The following STIP1 variants were observed in gnomAD, a reference collection of about 807,000 sequenced individuals.
STIP1 encodes the protein stress induced phosphoprotein 1.
A neutral mutation model predicts 77.4 loss-of-function variants in STIP1; 16 were observed. The ratio of observed to expected loss-of-function variants is 0.21; its 90% CI spans 0.14 to 0.31. The LOEUF (loss-of-function observed/expected upper bound fraction) is 0.31, where lower values mean the gene tolerates loss of function less well. STIP1 is among the 10% of genes least tolerant of loss of function. The pLI, the probability that STIP1 is intolerant of heterozygous loss-of-function variation, is 1.00. For synonymous variants in STIP1, 258 were observed against 246.6 expected (o/e 1.05, Z -0.44); for missense variants, 524 against 684.8 (o/e 0.77, Z 2.62).
intron 11 of STIP1, 82 bp from the exon 12 acceptor site, chr11:64,203,043 A>G: frequency 5.7e-6 from 9 of 1,591,996 alleles, no homozygotes; most frequent in Non-Finnish European, 6.0e-6. Flanking sequence ...AGGTGTGAAC[A>G]GTGTTGGTGT....
rs536032683 is a variant in STIP1 at position 64,198,634 on chromosome 11, A to G, written c.1023+660A>G. 9.9e-5 allele frequency among the ~76,000 whole-genome samples: 15 copies of G among 152,212 alleles called. No homozygotes were observed. The South Asian group carries it at 2.7e-3, about 27-fold the overall frequency. Reference sequence around the variant, plus strand: ...AGTGCTGGAATTATAGGCGTAAGCCACTATGCCTGGCTGAACCTGATCTTT... The same window carrying G: ...AGTGCTGGAATTATAGGCGTAAGCCGCTATGCCTGGCTGAACCTGATCTTT... On this transcript the variant is annotated intron_variant, in intron 8 of 13. Coordinates refer to ENST00000305218, the MANE Select transcript of STIP1 (RefSeq NM_006819.3).
In STIP1 at chr11:64,199,960, G is replaced by A. The variant is rs760171200; in HGVS notation, c.1044G>A (p.Glu348=). The A allele has an allele frequency of 6.2e-7, 1 of 1,614,168 alleles. No homozygotes were observed. ...TGTAGGCAGAGAAAATCCTGAAGGA[G>A]CAAGAGCGGCTGGCCTACATAAACC... is the stretch of plus-strand genomic sequence containing the variant. ...KCQQAEKILK[E]QERLAYINPD... The change falls in exon 9 of 14, where the codon GAG becomes GAA. Residue 348 remains glutamate, a synonymous_variant. Transcript: ENST00000305218.
chr11:64,198,299 G>A (rs12802950), intron 8 of STIP1, among the ~76,000 whole-genome samples: 24,867 of 151,718 alleles, frequency 0.16, 2,290 homozygotes, highest in Admixed American at 0.28. Flanking sequence ...TGCAACCTCC[G>A]CCTCCCAGGT....
At chr11:64,193,769 C>T (rs1369144790) in intron 2 of STIP1, among the ~76,000 whole-genome samples, 1 of 151,818 alleles carries the variant, frequency 6.6e-6, no homozygotes, top group Non-Finnish European at 1.5e-5. Flanking sequence ...CCAGGTGACA[C>T]GGCAAGACCC....
chr11:64,188,622 T>TA (rs1381924856), intron 1 of STIP1, among the ~76,000 whole-genome samples: 3 of 152,316 alleles, frequency 2.0e-5, no homozygotes, highest in African/African-American at 7.2e-5. Flanking sequence ...AGCAATCCTC[T>TA]AGCCTTGGCC....
intron 1 of STIP1, among the ~76,000 whole-genome samples, chr11:64,189,579 G>C (rs1217243781): frequency 1.3e-5 from 2 of 151,008 alleles, no homozygotes; most frequent in Non-Finnish European, 2.9e-5. Flanking sequence ...TTTTCAATAG[G>C]GGCCTTTCAA....
At chr11:64,190,316 G>C (rs1946078339) in intron 1 of STIP1, among the ~76,000 whole-genome samples, 1 of 152,212 alleles carries the variant, frequency 6.6e-6, no homozygotes, top group South Asian at 2.1e-4. Flanking sequence ...TGGGATTACA[G>C]GCATGCACCA....
intron 1 of STIP1, among the ~76,000 whole-genome samples, chr11:64,189,212 T>A (rs1946063025): frequency 6.6e-6 from 1 of 152,070 alleles, no homozygotes. Flanking sequence ...AATACAAAAA[T>A]TAGCTGGATG....
chr11:64,197,403 G>T lies in STIP1; in HGVS notation c.799+6G>T. The T allele has an allele frequency of 6.2e-7, 1 of 1,614,060 alleles. No individual in the cohort carries two copies. The highest frequency in any genetic ancestry group is 8.5e-7 in the Non-Finnish European group (1 of 1,180,010). On this transcript the variant is annotated splice_donor_region_variant and intron_variant, in intron 6 of 13. Coordinates refer to ENST00000305218, the MANE Select transcript of STIP1 (RefSeq NM_006819.3). ...TTACATTACCAATCAAGCAGGTGAG[G>T]CCCAGAAACAAGGGGCAAGGGAATT...
At chr11:64,188,526 C>G (rs1946053926) in intron 1 of STIP1, among the ~76,000 whole-genome samples, 1 of 152,054 alleles carries the variant, frequency 6.6e-6, no homozygotes, top group Non-Finnish European at 1.5e-5. Context: ...TAGCTGGGCA[C>G]ACCACCACAA....
At position 64,197,214 on chromosome 11, in the gene STIP1, TCTTG is replaced by T. The variant is rs143600256; in HGVS notation, c.673-53_673-50del. On this transcript the variant is annotated intron_variant, in intron 5 of 13. Coordinates refer to ENST00000305218, the MANE Select transcript of STIP1 (RefSeq NM_006819.3). ...TCAGAACTTGTGACAGATCATAGAT[TCTTG>T]CTTTGTCACCTGAGTTAGATTTGCT... 2,110 of 1,604,750 alleles carry T rather than the reference TCTTG, an allele frequency of 1.3e-3. 11 individuals are homozygous for T. The African/African-American group carries it at 0.023, about 18-fold the overall frequency.
At position 64,186,313 on chromosome 11, in the gene STIP1, G is replaced by A. The variant is rs745617035; in HGVS notation, c.9+43G>A. The A allele has an allele frequency of 2.5e-5, 18 of 719,196 alleles. 1 individual carries two copies. The East Asian group carries it at 1.3e-3, about 50-fold the overall frequency. 44.6% of individuals were successfully genotyped at this position (719,196 alleles called of 1,614,324 possible). ...GGCTGAGGCCCCGAGCCTGCTCGGG[G>A]ACCGGCGGTGGCCAGGCCGCGGTAG... is the stretch of plus-strand genomic sequence containing the variant. On this transcript the variant is annotated intron_variant, in intron 1 of 13. Coordinates refer to ENST00000305218, the MANE Select transcript of STIP1 (RefSeq NM_006819.3).
intron 1 of STIP1, among the ~76,000 whole-genome samples, chr11:64,190,801 C>T (rs1416895492): frequency 2.6e-5 from 4 of 151,814 alleles, no homozygotes; most frequent in Non-Finnish European, 5.9e-5. Flanking sequence ...TTGAGACAAG[C>T]CTGGGCAATA....
intron 11 of STIP1, 61 bp downstream of exon 11, chr11:64,202,973 C>T (rs764097004): frequency 6.2e-7 from 1 of 1,611,934 alleles, no homozygotes; most frequent in Non-Finnish European, 8.5e-7. Flanking sequence ...AAGGAAAGGG[C>T]AAGCCCTTTG....
chr11:64,202,987 A>C (rs1555043597), intron 11 of STIP1, 75 bp downstream of exon 11: 1 of 1,605,654 alleles, frequency 6.2e-7, no homozygotes, highest in East Asian at 2.2e-5. Flanking sequence ...CCCTTTGTCT[A>C]CCTGTGTGTC....
chr11:64,185,714 G>A, upstream of STIP1: 3 of 1,429,384 alleles, frequency 2.1e-6, no homozygotes, highest in Non-Finnish European at 2.8e-6. Context: ...ATATATCAGG[G>A]GCGGGGCGAA....
At chr11:64,202,752 T>C (rs1946233225) in intron 10 of STIP1, 124 bp from the exon 11 acceptor site, 3 of 1,053,730 alleles carry the variant, frequency 2.8e-6, no homozygotes, top group Admixed American at 1.8e-5. Context: ...TTGTCTTTCC[T>C]GATGTTGTCC....
intron 13 of STIP1, 77 bp downstream of exon 13, chr11:64,203,699 T>C: frequency 1.9e-6 from 3 of 1,572,574 alleles, no homozygotes; most frequent in Non-Finnish European, 2.6e-6. Flanking sequence ...GGCTGGGGGG[T>C]GGTATGCTCA....
intron 10 of STIP1, among the ~76,000 whole-genome samples, chr11:64,201,778 A>C (rs952243613): frequency 6.6e-6 from 1 of 152,256 alleles, no homozygotes; most frequent in Admixed American, 6.5e-5. Flanking sequence ...GGAGGTGGGC[A>C]GTACTTTCCC....
Sources: gnomAD v4.1 joint callset for allele counts (sites outside exome capture counted in the v4.1 genomes callset) on GRCh38, gnomAD v4.1.1 for gene constraint, MANE v1.5 for transcripts, NCBI Gene and HGNC (gene_info 2026-07-23, HGNC 2026-07-21) for gene names.